The following TACC2 variants were observed in gnomAD, a reference collection of about 807,000 sequenced individuals.
The protein encoded by TACC2 is transforming acidic coiled-coil containing protein 2.
In TACC2, 137 loss-of-function variants were observed where a neutral mutation model predicts 227.3. That is an observed-to-expected ratio of 0.60 (90% confidence interval 0.52 to 0.69). The LOEUF is 0.69. Among genes scored for constraint, TACC2 ranks in the 30% least tolerant of loss-of-function variants. The pLI, the probability that TACC2 is intolerant of heterozygous loss-of-function variation, is 0.00. For missense variants in TACC2, 3,470 were observed against 3,694.4 expected, an observed-to-expected ratio of 0.94 and a Z score of 1.57; for synonymous variants, 1,523 against 1,487.5, an observed-to-expected ratio of 1.02 and a Z score of -0.55.
intron 5 of TACC2, among the ~76,000 whole-genome samples, chr10:122,132,190 A>G (rs1448575704): frequency 6.6e-6 from 1 of 152,338 alleles, no homozygotes; most frequent in South Asian, 2.1e-4. Context: ...CATCCCTCAC[A>G]GAAAGGGAAA....
In TACC2 at chr10:122,211,529, C is replaced by G; in HGVS notation, c.7104C>G (p.Asn2368Lys). 6.2e-7 allele frequency: 1 copy of G among 1,613,910 alleles called. No homozygotes were observed. The highest frequency in any genetic ancestry group is 8.5e-7 in the Non-Finnish European group (1 of 1,179,944). Reference protein sequence around the residue: ...ESPKLPQQSYNFDPDTCDESV... With the variant: ...ESPKLPQQSYKFDPDTCDESV... ...CCAAACTGCCCCAACAATCATACAA[C>G]TTTGACCCAGACACCTGTGATGAGT... The change falls in exon 9 of 23, where the codon AAC becomes AAG. Residue 2368 changes from asparagine (N) to lysine (K), a missense_variant. Around this residue, in one of 10 missense-constraint regions of TACC2, gnomAD observed 593 missense variants for 636.6 expected, o/e 0.93. Transcript: ENST00000369005.
intron 5 of TACC2, among the ~76,000 whole-genome samples, chr10:122,128,531 C>T (rs929599677): frequency 2.0e-5 from 3 of 152,174 alleles, no homozygotes; most frequent in South Asian, 2.1e-4. Context: ...AGCCTGGCCG[C>T]GTTCCCGCCC....
At chr10:122,116,625 A>G (rs1370986711) in intron 5 of TACC2, among the ~76,000 whole-genome samples, 14 of 152,228 alleles carry the variant, frequency 9.2e-5, no homozygotes, top group Admixed American at 9.2e-4. Context: ...TATACTTGAT[A>G]AACAAACTGT....
chr10:122,226,935 G>T (rs750443651), intron 13 of TACC2, among the ~76,000 whole-genome samples: 6 of 152,148 alleles, frequency 3.9e-5, no homozygotes, highest in African/African-American at 1.4e-4. Flanking sequence ...TTCAAAGCTC[G>T]AATCCCACCT....
At chr10:122,142,489 G>A (rs2090749001) in intron 6 of TACC2, among the ~76,000 whole-genome samples, 1 of 152,248 alleles carries the variant, frequency 6.6e-6, no homozygotes, top group African/African-American at 2.4e-5. Context: ...CAGTGTGGGT[G>A]CCTATGGCAG....
At chr10:122,161,705 G>T (rs2092821868) in intron 7 of TACC2, among the ~76,000 whole-genome samples, 1 of 152,216 alleles carries the variant, frequency 6.6e-6, no homozygotes, top group African/African-American at 2.4e-5. Context: ...TTTAAAAGTT[G>T]GCAGATGAGT....
At chr10:122,234,172 T>C (rs1021969241) in intron 16 of TACC2, among the ~76,000 whole-genome samples, 4 of 152,192 alleles carry the variant, frequency 2.6e-5, no homozygotes, top group African/African-American at 9.7e-5. Flanking sequence ...GCCACAGTGC[T>C]AGCCCCTCCC....
intron 6 of TACC2, 104 bp downstream of exon 6, chr10:122,132,838 T>A: frequency 8.0e-7 from 1 of 1,257,322 alleles, no homozygotes; most frequent in Non-Finnish European, 1.1e-6. Flanking sequence ...TCTTTTCTCC[T>A]GCAGTTTCAC....
chr10:122,236,551 C>T (rs1250867986), intron 16 of TACC2, among the ~76,000 whole-genome samples: 3 of 150,956 alleles, frequency 2.0e-5, no homozygotes, highest in Non-Finnish European at 4.4e-5. Flanking sequence ...TGCAAATTGC[C>T]GAGCATTTTG....
At chr10:122,010,614 A>G (rs1378800655) in intron 1 of TACC2, among the ~76,000 whole-genome samples, 1 of 152,190 alleles carries the variant, frequency 6.6e-6, no homozygotes, top group African/African-American at 2.4e-5. Flanking sequence ...CTGCCACTCA[A>G]GGGACCATGC....
chr10:122,144,023 A>G (rs1174969266), intron 7 of TACC2, among the ~76,000 whole-genome samples: 2 of 152,306 alleles, frequency 1.3e-5, no homozygotes, highest in Admixed American at 1.3e-4. Flanking sequence ...ATATATATGC[A>G]GAGAGAGGGA....
chr10:122,167,320 C>A (rs1278965903), intron 7 of TACC2, among the ~76,000 whole-genome samples: 1 of 152,182 alleles, frequency 6.6e-6, no homozygotes, highest in Non-Finnish European at 1.5e-5. Context: ...GAGGAGGAAG[C>A]AACAGGCTCT....
chr10:122,083,205 C>A lies in TACC2; in HGVS notation c.705C>A (p.Pro235=), dbSNP rs1357019026. Residue 235 remains proline, a synonymous_variant, in exon 4 of 23, where the codon CCC becomes CCA. Coordinates refer to ENST00000369005, the MANE Select transcript of TACC2 (RefSeq NM_206862.4). ...AGAAAGAGGCTGCAGGTGGCTTTCCCCCTGCAGAGTCCAGGCAGGGGGTGG... is the reference window on the plus strand; with the variant it reads ...AGAAAGAGGCTGCAGGTGGCTTTCCACCTGCAGAGTCCAGGCAGGGGGTGG... ...SQEKEAAGGF[P]PAESRQGVAS... 3 of 1,613,348 alleles carry A rather than the reference C, an allele frequency of 1.9e-6. No individual in the cohort carries two copies. The highest frequency in any genetic ancestry group is 2.5e-6 in the Non-Finnish European group (3 of 1,179,984).
In TACC2 at chr10:122,239,220, G is replaced by T. The variant is rs139720201; in HGVS notation, c.8348+1183G>T. On this transcript the variant is annotated intron_variant, in intron 18 of 22. Transcript: ENST00000369005. Reference sequence around the variant, plus strand: ...GATGGGGTTTTACCATGTTGGCCAGGCTGGTCTTGAACTCCTGACCTTAGG... The same window carrying T: ...GATGGGGTTTTACCATGTTGGCCAGTCTGGTCTTGAACTCCTGACCTTAGG... Among the ~76,000 whole-genome samples the T allele has an allele frequency of 2.9e-3, 434 of 152,228 alleles. 2 individuals carry two copies. Among genetic ancestry groups the T allele is most frequent in the African/African-American group, 9.7e-3 (404 of 41,544 alleles).
At chr10:122,156,041 G>A (rs1451476646) in intron 7 of TACC2, among the ~76,000 whole-genome samples, 1 of 151,430 alleles carries the variant, frequency 6.6e-6, no homozygotes, top group African/African-American at 2.4e-5. Flanking sequence ...GTTTCACCGT[G>A]TTAGCCAGGA....
intron 2 of TACC2, among the ~76,000 whole-genome samples, chr10:122,042,135 C>T (rs965441493): frequency 5.8e-4 from 88 of 152,154 alleles, no homozygotes; most frequent in Admixed American, 2.0e-3. Flanking sequence ...TTAGTAGAGA[C>T]GGGGTTTCAC....
intron 7 of TACC2, among the ~76,000 whole-genome samples, chr10:122,164,328 T>TGA (rs1331725665): frequency 6.6e-6 from 1 of 152,180 alleles, no homozygotes; most frequent in Non-Finnish European, 1.5e-5. Context: ...CATCAGCGAC[T>TGA]GCCTCCTCCT....
intron 9 of TACC2, chr10:122,213,244 G>C: frequency 7.7e-7 from 1 of 1,294,676 alleles, no homozygotes; most frequent in Non-Finnish European, 1.1e-6. Context: ...AGCGGTGGCC[G>C]CCATATCCTA....
intron 22 of TACC2, 29 bp from the exon 23 acceptor site, chr10:122,253,962 A>T: frequency 6.2e-7 from 1 of 1,606,120 alleles, no homozygotes; most frequent in South Asian, 1.1e-5. Context: ...TTCAAACATC[A>T]GCAACTTCTT....
Sources: gnomAD v4.1 joint callset for allele counts (sites outside exome capture counted in the v4.1 genomes callset) on GRCh38, gnomAD v4.1.1 for gene constraint, gnomAD v4.1.1 regional missense constraint, MANE v1.5 for transcripts, NCBI Gene and HGNC (gene_info 2026-07-23, HGNC 2026-07-21) for gene names.